The following MED27 variants were observed in gnomAD, a reference collection of about 807,000 sequenced individuals.
The protein encoded by MED27 is mediator complex subunit 27.
MED27 carries 30 observed loss-of-function variants against 38.2 expected under a neutral mutation model. That is an observed-to-expected ratio of 0.79 (90% CI 0.59 to 1.07). MED27 has a LOEUF of 1.07. Ranked by LOEUF, MED27 falls within the 50% of genes least tolerant of loss-of-function variation. The pLI, the probability that MED27 is intolerant of heterozygous loss-of-function variation, is 0.00. For missense variants in MED27, 289 were observed against 397.5 expected (o/e 0.73, Z 2.32); for synonymous variants, 122 against 153.5 (o/e 0.79, Z 1.52).
At chr9:132,065,995 A>C (rs1208779393) in intron 2 of MED27, among the ~76,000 whole-genome samples, 1 of 152,254 alleles carries the variant, frequency 6.6e-6, no homozygotes, top group Non-Finnish European at 1.5e-5. Flanking sequence ...CTGGTCACCA[A>C]GGTCCCCTAA....
chr9:131,992,112 A>C lies in MED27; in HGVS notation c.479+22225T>G, dbSNP rs118131394. Among the ~76,000 whole-genome samples, 1,087 of 152,288 alleles carry C rather than the reference A, an allele frequency of 7.1e-3. 7 individuals carry two copies. Among genetic ancestry groups the C allele is most frequent in the Admixed American group, 0.011 (164 of 15,298 alleles). ...CTGTTAGGACATTTTATTATCCTTC[A>C]TTGCCCAATTCCCATATTATTTGTT... On this transcript the variant is annotated intron_variant, in intron 3 of 7. Transcript: ENST00000292035.
chr9:132,069,868 T>C (rs1157592304), intron 2 of MED27, among the ~76,000 whole-genome samples: 2 of 152,150 alleles, frequency 1.3e-5, no homozygotes, highest in Non-Finnish European at 2.9e-5. Flanking sequence ...GACTGAACAG[T>C]GCTCTCTAGA....
rs1175698247 is a variant in MED27, at chr9:131,862,176, G to A, written c.801+887C>T. On this transcript the variant is annotated intron_variant, in intron 7 of 7. Transcript: ENST00000292035. The surrounding 1 kb of genome is among the most constrained non-coding windows in gnomAD (Gnocchi z 4.6). ...GTGTCTTCTGAGGAATGAACTCCAG[G>A]CTCTCTGAGCAGTGGCACTGTTGAT... Among the ~76,000 whole-genome samples, 3 of 152,150 alleles carry A rather than the reference G, an allele frequency of 2.0e-5. No homozygotes were observed. The highest frequency in any genetic ancestry group is 7.2e-5 in the African/African-American group (3 of 41,424).
At chr9:131,925,792 G>GT (rs1381568473) in intron 4 of MED27, among the ~76,000 whole-genome samples, 1 of 152,208 alleles carries the variant, frequency 6.6e-6, no homozygotes, top group Non-Finnish European at 1.5e-5. Context: ...GCGGTGGGGG[G>GT]CAATCCCAGG....
intron 2 of MED27, among the ~76,000 whole-genome samples, chr9:132,065,965 A>G (rs909557462): frequency 6.6e-6 from 1 of 152,226 alleles, no homozygotes; most frequent in Admixed American, 6.5e-5. Context: ...CTCTCTATCA[A>G]ATGAGATGTG....
At chr9:132,005,852 C>T (rs972363478) in intron 3 of MED27, among the ~76,000 whole-genome samples, 2 of 152,164 alleles carry the variant, frequency 1.3e-5, no homozygotes, top group African/African-American at 2.4e-5. Context: ...TATTAATAAA[C>T]GAGCTTAGGT....
intron 4 of MED27, among the ~76,000 whole-genome samples, chr9:131,937,971 T>C (rs1046323733): frequency 3.3e-5 from 5 of 152,160 alleles, no homozygotes; most frequent in African/African-American, 1.2e-4. Context: ...GAAAACTGTT[T>C]CCCTTTTCTA....
chr9:131,988,194 C>T (rs570061876), intron 3 of MED27, among the ~76,000 whole-genome samples: 1 of 152,226 alleles, frequency 6.6e-6, no homozygotes, highest in Admixed American at 6.5e-5. Context: ...CAGAAAACAA[C>T]ATGATATTGA....
At chr9:132,045,070 T>C (rs995578193) in intron 2 of MED27, among the ~76,000 whole-genome samples, 17 of 152,040 alleles carry the variant, frequency 1.1e-4, no homozygotes, top group African/African-American at 4.1e-4. Flanking sequence ...AATTTAAAAT[T>C]TGTATATGTT....
intron 2 of MED27, chr9:132,031,875 G>C (rs1003286261): frequency 6.6e-6 from 1 of 151,962 alleles, no homozygotes; most frequent in South Asian, 2.1e-4. Flanking sequence ...TTATCACCTG[G>C]TGACTATTAG....
intron 3 of MED27, among the ~76,000 whole-genome samples, chr9:131,972,602 T>C (rs1831503482): frequency 6.6e-6 from 1 of 152,166 alleles, no homozygotes. Flanking sequence ...TTGACTCCAA[T>C]TGTCCCGCTT....
At chr9:131,937,903 G>A (rs1830712163) in intron 4 of MED27, among the ~76,000 whole-genome samples, 1 of 151,202 alleles carries the variant, frequency 6.6e-6, no homozygotes, top group Non-Finnish European at 1.5e-5. Flanking sequence ...TCAGCTCACT[G>A]CAACCTCTGG....
chr9:131,875,071 G>A (rs1304885674), intron 6 of MED27, among the ~76,000 whole-genome samples: 1 of 152,128 alleles, frequency 6.6e-6, no homozygotes, highest in Non-Finnish European at 1.5e-5. Context: ...AGCCACCCCT[G>A]CTCAGTGGGG....
At chr9:131,969,771 G>A (rs961271619) in intron 3 of MED27, among the ~76,000 whole-genome samples, 2 of 152,252 alleles carry the variant, frequency 1.3e-5, no homozygotes, top group African/African-American at 4.8e-5. Context: ...AAGGCCCTGA[G>A]GCAACCTCTC....
chr9:132,038,366 G>A (rs1280960443), intron 2 of MED27, among the ~76,000 whole-genome samples: 2 of 151,220 alleles, frequency 1.3e-5, no homozygotes, highest in African/African-American at 4.9e-5. Flanking sequence ...TAATTTTTTT[G>A]TATTTTTAGT....
intron 5 of MED27, among the ~76,000 whole-genome samples, chr9:131,884,884 A>G (rs1473536559): frequency 6.6e-6 from 1 of 152,220 alleles, no homozygotes; most frequent in Admixed American, 6.5e-5. Context: ...CTGGGATTAC[A>G]GGCATGAGCC....
intron 4 of MED27, among the ~76,000 whole-genome samples, chr9:131,924,823 T>C (rs1830453715): frequency 1.3e-5 from 2 of 152,228 alleles, no homozygotes; most frequent in South Asian, 2.1e-4. Flanking sequence ...TTCCACATCA[T>C]CACCACCTTT....
chr9:131,991,634 T>C (rs1160830168), intron 3 of MED27, among the ~76,000 whole-genome samples: 1 of 152,226 alleles, frequency 6.6e-6, no homozygotes, highest in Non-Finnish European at 1.5e-5. Context: ...ACAAAATATA[T>C]AGCATGAAAT....
intron 2 of MED27, among the ~76,000 whole-genome samples, chr9:132,064,296 C>T (rs970498208): frequency 2.0e-5 from 3 of 152,064 alleles, no homozygotes; most frequent in African/African-American, 4.8e-5. Context: ...GGAATAAGGC[C>T]GGTCTCATGC....
Sources: allele counts gnomAD v4.1 joint callset (sites outside exome capture counted in the v4.1 genomes callset), GRCh38; gene constraint gnomAD v4.1.1; non-coding constraint Gnocchi (gnomAD v3.1); transcripts MANE v1.5; gene names NCBI Gene and HGNC (gene_info 2026-07-23, HGNC 2026-07-21).